Variants in LMBRD1 observed in about 807,000 individuals in gnomAD.
LMBRD1 encodes lysosomal cobalamin transport escort protein LMBD1.
A neutral mutation model predicts 74.8 loss-of-function variants in LMBRD1; 64 were observed. The observed-to-expected ratio is 0.86, with a 90% CI of 0.70 to 1.05. LMBRD1 has a LOEUF of 1.05. Among genes scored for constraint, LMBRD1 ranks in the 50% least tolerant of loss-of-function variants. LMBRD1 has a pLI of 0.00. For synonymous variants in LMBRD1, 204 were observed against 216.3 expected (o/e 0.94, Z 0.50); for missense variants, 652 against 645.9 (o/e 1.01, Z -0.10).
At chr6:69,735,649 A>C (rs895102554) in intron 7 of LMBRD1, among the ~76,000 whole-genome samples, 1 of 152,206 alleles carries the variant, frequency 6.6e-6, no homozygotes, top group Admixed American at 6.5e-5. Context: ...CTCTCTTTCA[A>C]ATAGTTTTAG....
At chr6:69,763,991 C>T (rs1015513855) in intron 3 of LMBRD1, among the ~76,000 whole-genome samples, 9 of 151,950 alleles carry the variant, frequency 5.9e-5, no homozygotes, top group African/African-American at 1.9e-4. Context: ...TGTGGTCACA[C>T]ACATATCTGA....
intron 2 of LMBRD1, among the ~76,000 whole-genome samples, chr6:69,781,895 T>C (rs1322560617): frequency 1.2e-4 from 18 of 152,152 alleles, no homozygotes; most frequent in Admixed American, 1.1e-3. Context: ...TATTAACATA[T>C]TGATTCTAAA....
At chr6:69,775,789 A>G (rs975370253) in intron 3 of LMBRD1, among the ~76,000 whole-genome samples, 2 of 152,186 alleles carry the variant, frequency 1.3e-5, no homozygotes, top group Non-Finnish European at 2.9e-5. Context: ...TACAGTAGCC[A>G]CTTTTTTTTC....
At chr6:69,678,270 T>A (rs1015344934) in intron 14 of LMBRD1, among the ~76,000 whole-genome samples, 1 of 152,162 alleles carries the variant, frequency 6.6e-6, no homozygotes. Flanking sequence ...GGAAGTAGAT[T>A]ATCATAAAGG....
At chr6:69,695,617 AGTT>A (rs1765978899) in intron 14 of LMBRD1, among the ~76,000 whole-genome samples, 1 of 152,120 alleles carries the variant, frequency 6.6e-6, no homozygotes, top group South Asian at 2.1e-4. Context: ...CTATGCAAAT[AGTT>A]GTTGTATTGC....
Position 69,676,289 on chromosome 6 carries a change from C to A in LMBRD1, c.1510-18G>T. The A allele has an allele frequency of 6.2e-7, 1 of 1,608,240 alleles. No homozygotes were observed. Among genetic ancestry groups the A allele is most frequent in the Non-Finnish European group, 8.5e-7 (1 of 1,176,250 alleles). ...AAAAATACCTGTAAATTTAAATAAG[C>A]CATGTGTTATTTTTCAAATTTAAAA... is the stretch of plus-strand genomic sequence containing the variant. On this transcript the variant is annotated intron_variant, in intron 15 of 15. Transcript: ENST00000649934.
rs35350789 is a variant in LMBRD1, at chr6:69,796,818, G to GT, written c.63dup (p.Leu22ThrfsTer14). 13 of 1,613,674 alleles carry GT rather than the reference G, an allele frequency of 8.1e-6. No homozygotes were observed. Among genetic ancestry groups the GT allele is most frequent in the Non-Finnish European group, 1.0e-5 (12 of 1,179,818 alleles). On this transcript the variant is annotated frameshift_variant, in exon 1 of 16. Transcript: ENST00000649934. LOFTEE classifies it high-confidence loss of function. ...ACTCCAAGCGCCTCCCCTACCAGTA[G>GT]TAAGAGGCCGAATATGCACCAGCCG...
intron 14 of LMBRD1, among the ~76,000 whole-genome samples, chr6:69,679,833 T>A (rs1400922794): frequency 6.6e-6 from 1 of 152,072 alleles, no homozygotes; most frequent in Non-Finnish European, 1.5e-5. Flanking sequence ...GCTATAAAGA[T>A]CATATGACAT....
intron 7 of LMBRD1, among the ~76,000 whole-genome samples, chr6:69,737,380 C>G (rs1766998914): frequency 1.3e-5 from 2 of 151,834 alleles, no homozygotes; most frequent in Non-Finnish European, 2.9e-5. Context: ...CTTACCACTT[C>G]CAGGAAGACT....
At chr6:69,724,359 A>AAC (rs1766680742) in intron 7 of LMBRD1, among the ~76,000 whole-genome samples, 1 of 149,398 alleles carries the variant, frequency 6.7e-6, no homozygotes, top group Admixed American at 6.6e-5. Flanking sequence ...AAAAAAAAAA[A>AAC]AAAAAACACT....
intron 3 of LMBRD1, among the ~76,000 whole-genome samples, chr6:69,772,292 A>G (rs1167117385): frequency 6.6e-6 from 1 of 152,208 alleles, no homozygotes; most frequent in Non-Finnish European, 1.5e-5. Flanking sequence ...CGTGGGACAT[A>G]CAAATATTTT....
Position 69,713,788 on chromosome 6 carries a change from C to G in LMBRD1, c.772G>C (p.Gly258Arg). 1 of 1,613,454 alleles carries G rather than the reference C, an allele frequency of 6.2e-7. No individual in the cohort carries two copies. The highest frequency in any genetic ancestry group is 8.5e-7 in the Non-Finnish European group (1 of 1,179,590). The change falls in exon 9 of 16, where the codon GGT (glycine) becomes CGT (arginine). Residue 258 changes from glycine to arginine, a missense_variant. Around this residue, in one of 3 missense-constraint regions of LMBRD1, gnomAD observed 598 missense variants for 581.8 expected, o/e 1.03. Transcript: ENST00000649934. ...IQTIKSKSKD[G>R]RPLPARDKRA... ...TTATCCCTTGCTGGCAAAGGTCGAC[C>G]ATCTTTGCTCTGCAAATAACAGAAC...
At chr6:69,686,413 T>C (rs955021609) in intron 14 of LMBRD1, among the ~76,000 whole-genome samples, 10 of 152,242 alleles carry the variant, frequency 6.6e-5, no homozygotes, top group African/African-American at 2.4e-4. Context: ...TAGGTTACAC[T>C]ATTAGTTCTC....
chr6:69,728,210 C>T (rs1328196743), intron 7 of LMBRD1, among the ~76,000 whole-genome samples: 1 of 151,964 alleles, frequency 6.6e-6, no homozygotes, highest in Non-Finnish European at 1.5e-5. Flanking sequence ...TTTTAAACAC[C>T]CAGATCTCGT....
intron 1 of LMBRD1, among the ~76,000 whole-genome samples, chr6:69,792,080 CT>C (rs1766100449): frequency 6.6e-6 from 1 of 152,222 alleles, no homozygotes; most frequent in African/African-American, 2.4e-5. Context: ...GAAGTCTCTA[CT>C]TTTTTCCAGG....
intron 14 of LMBRD1, among the ~76,000 whole-genome samples, chr6:69,687,387 T>C (rs903021527): frequency 6.6e-6 from 1 of 152,180 alleles, no homozygotes; most frequent in Admixed American, 6.5e-5. Context: ...TGTCCCCTTA[T>C]ATTAAGTAAG....
intron 5 of LMBRD1, among the ~76,000 whole-genome samples, chr6:69,745,055 C>T (rs1430095114): frequency 1.3e-5 from 2 of 151,738 alleles, no homozygotes; most frequent in Admixed American, 6.6e-5. Context: ...AGCATGGTCT[C>T]GATCTCTTGA....
intron 2 of LMBRD1, among the ~76,000 whole-genome samples, chr6:69,781,608 AACTT>A (rs1355074117): frequency 6.6e-6 from 1 of 152,188 alleles, no homozygotes; most frequent in Non-Finnish European, 1.5e-5. Context: ...AGAAAATCCA[AACTT>A]ACTTCTACAA....
chr6:69,674,861 T>G lies in LMBRD1; in HGVS notation c.*1297A>C, dbSNP rs1026193656. ...GGTGGCACATGCCTGTAATCCCAGC[T>G]ACTCAGGAGGCTGAGGCAGGAGAAT... On this transcript the variant is annotated 3_prime_UTR_variant, in exon 16 of 16. Transcript: ENST00000649934. Among the ~76,000 whole-genome samples the G allele has an allele frequency of 2.6e-5, 4 of 151,974 alleles. No homozygotes were observed. Among genetic ancestry groups the G allele is most frequent in the African/African-American group, 9.7e-5 (4 of 41,364 alleles).
Sources: allele counts gnomAD v4.1 joint callset (sites outside exome capture counted in the v4.1 genomes callset), GRCh38; gene constraint gnomAD v4.1.1; regional missense constraint gnomAD v4.1.1; transcripts MANE v1.5; gene names NCBI Gene and HGNC (gene_info 2026-07-23, HGNC 2026-07-21).